Variants in SH3GLB1 observed in about 807,000 individuals in gnomAD.
SH3GLB1 encodes the protein endophilin-B1.
Under a neutral mutation model 42.0 loss-of-function variants are expected in SH3GLB1, and 17 were observed. The ratio of observed to expected loss-of-function variants is 0.40; its 90% CI spans 0.28 to 0.61. SH3GLB1 has a LOEUF of 0.61. SH3GLB1 is among the 20% of genes least tolerant of loss of function. The pLI is 0.36. For synonymous variants in SH3GLB1, 132 were observed against 146.6 expected, an observed-to-expected ratio of 0.90 and a Z score of 0.72; for missense variants, 355 against 426.3, an observed-to-expected ratio of 0.83 and a Z score of 1.47.
chr1:86,729,478 A>G (rs973898817), intron 5 of SH3GLB1, among the ~76,000 whole-genome samples: 2 of 152,300 alleles, frequency 1.3e-5, no homozygotes, highest in East Asian at 3.9e-4. Context: ...TCTATAGGTA[A>G]ATGAAAAGCG....
chr1:86,724,488 T>G, intron 5 of SH3GLB1, 83 bp downstream of exon 5: 1 of 1,079,588 alleles, frequency 9.3e-7, no homozygotes, highest in Non-Finnish European at 1.3e-6. Context: ...AGATACAGAC[T>G]ATTAACTTTA....
intron 5 of SH3GLB1, among the ~76,000 whole-genome samples, chr1:86,724,878 A>AT (rs1655072541): frequency 1.0e-5 from 1 of 99,910 alleles, no homozygotes; most frequent in African/African-American, 6.7e-5. Flanking sequence ...TGTCTTTAAA[A>AT]AAAAAAAAAA....
At chr1:86,724,892 A>AAAAAAAAAAAATATATAT (rs1291454820) in intron 5 of SH3GLB1, among the ~76,000 whole-genome samples, 2 of 99,700 alleles carry the variant, frequency 2.0e-5, no homozygotes, top group African/African-American at 1.1e-4. Flanking sequence ...AAAAAAAAAA[A>AAAAAAAAAAAATATATAT]ATATATATAT....
At chr1:86,730,910 T>C (rs1468987072) in intron 5 of SH3GLB1, among the ~76,000 whole-genome samples, 1 of 152,236 alleles carries the variant, frequency 6.6e-6, no homozygotes, top group Non-Finnish European at 1.5e-5. Flanking sequence ...TACTGCTGCA[T>C]TAAATATAGG....
At position 86,722,584 on chromosome 1, in the gene SH3GLB1, A is replaced by T; in HGVS notation, c.388A>T (p.Thr130Ser). Residue 130 changes from threonine (T) to serine (S), a missense_variant, in exon 4 of 9, where the codon ACA becomes TCA. Physicochemically the swap from Thr to Ser is moderately conservative, Grantham distance 58 (BLOSUM62 1). Transcript: ENST00000370558. ...KCGETQKRIGTADRELIQTSA... is the reference protein window; with the variant it reads ...KCGETQKRIGSADRELIQTSA... ...TGGAGAAACCCAAAAAAGAATTGGA[A>T]CAGCAGACAGAGAACTGATTCAAAC... 6.2e-7 allele frequency: 1 copy of T among 1,608,856 alleles called. No homozygotes were observed. Among genetic ancestry groups the T allele is most frequent in the Non-Finnish European group, 8.5e-7 (1 of 1,178,024 alleles).
chr1:86,732,731 A>AT (rs1409378335), intron 5 of SH3GLB1, among the ~76,000 whole-genome samples: 3 of 152,206 alleles, frequency 2.0e-5, no homozygotes, highest in Admixed American at 6.5e-5. Context: ...ATCATTTGAT[A>AT]TTTTTTATTC....
At chr1:86,733,875 GC>G (rs951801416) in intron 5 of SH3GLB1, among the ~76,000 whole-genome samples, 31 of 151,908 alleles carry the variant, frequency 2.0e-4, no homozygotes, top group African/African-American at 7.5e-4. Context: ...GGATATGAGA[GC>G]TTTTTTTTTT....
intron 1 of SH3GLB1, among the ~76,000 whole-genome samples, chr1:86,714,763 C>A (rs1191789667): frequency 6.6e-6 from 1 of 152,024 alleles, no homozygotes; most frequent in Non-Finnish European, 1.5e-5. Flanking sequence ...TAGTGATATA[C>A]CTGTGTTAAG....
chr1:86,739,907 G>T (rs1182638121), intron 7 of SH3GLB1, among the ~76,000 whole-genome samples: 1 of 152,146 alleles, frequency 6.6e-6, no homozygotes, highest in African/African-American at 2.4e-5. Flanking sequence ...CACTTTGGGA[G>T]ATCAAGGTGG....
intron 7 of SH3GLB1, among the ~76,000 whole-genome samples, chr1:86,738,374 T>A (rs1397126077): frequency 6.6e-6 from 1 of 152,130 alleles, no homozygotes; most frequent in Non-Finnish European, 1.5e-5. Flanking sequence ...TATGCCATTC[T>A]CCTGCCTCAG....
chr1:86,733,412 A>G (rs904463465), intron 5 of SH3GLB1, among the ~76,000 whole-genome samples: 3 of 152,114 alleles, frequency 2.0e-5, no homozygotes, highest in African/African-American at 7.2e-5. Flanking sequence ...AAAAAAGTTC[A>G]TACCTTGTTG....
In SH3GLB1 at chr1:86,724,417, G is replaced by A; in HGVS notation, c.570+12G>A. On this transcript the variant is annotated intron_variant, in intron 5 of 8. Coordinates refer to ENST00000370558, the MANE Select transcript of SH3GLB1 (RefSeq NM_016009.5). ...AAACTAGAAATTCAGTAAGTAAATA[G>A]AAAAATATTTTTGATTAATAACTTT... The A allele has an allele frequency of 6.5e-7, 1 of 1,547,736 alleles. No individual in the cohort carries two copies. Among genetic ancestry groups the A allele is most frequent in the Non-Finnish European group, 8.7e-7 (1 of 1,144,096 alleles).
chr1:86,720,173 A>T (rs562034379), intron 3 of SH3GLB1, among the ~76,000 whole-genome samples: 1 of 152,166 alleles, frequency 6.6e-6, no homozygotes, highest in African/African-American at 2.4e-5. Context: ...AGTTCTAAAA[A>T]GTTTAATGAA....
At chr1:86,718,904 G>A (rs1323652936) in intron 2 of SH3GLB1, among the ~76,000 whole-genome samples, 1 of 152,110 alleles carries the variant, frequency 6.6e-6, no homozygotes, top group Non-Finnish European at 1.5e-5. Context: ...CATGCTCAGA[G>A]ATATACTTGT....
chr1:86,707,197 T>G (rs1437597158), intron 1 of SH3GLB1, among the ~76,000 whole-genome samples: 1 of 152,210 alleles, frequency 6.6e-6, no homozygotes, highest in Non-Finnish European at 1.5e-5. Flanking sequence ...TTTTCTAACA[T>G]TAGTATCGTG....
chr1:86,719,740 A>G (rs1423787112), intron 3 of SH3GLB1, 105 bp downstream of exon 3: 1 of 1,168,364 alleles, frequency 8.6e-7, no homozygotes, highest in East Asian at 2.8e-5. Flanking sequence ...TCACACCTGT[A>G]ATCCCAGCAC....
At chr1:86,730,419 A>G (rs1655442688) in intron 5 of SH3GLB1, 3 of 963,458 alleles carry the variant, frequency 3.1e-6, no homozygotes, top group Admixed American at 1.2e-4. Flanking sequence ...GATTTTTTTA[A>G]TAACAATTTT....
intron 2 of SH3GLB1, among the ~76,000 whole-genome samples, chr1:86,716,731 G>A (rs1252667620): frequency 6.6e-6 from 1 of 152,196 alleles, no homozygotes; most frequent in Admixed American, 6.5e-5. Context: ...CTTGTCAAAT[G>A]TAGCATAGCT....
chr1:86,708,625 G>A (rs1654013806), intron 1 of SH3GLB1, among the ~76,000 whole-genome samples: 1 of 152,168 alleles, frequency 6.6e-6, no homozygotes, highest in Non-Finnish European at 1.5e-5. Context: ...GAGTAGGAAT[G>A]TTTATTCTTA....
Sources: gnomAD v4.1 joint callset for allele counts (sites outside exome capture counted in the v4.1 genomes callset) on GRCh38, gnomAD v4.1.1 for gene constraint, MANE v1.5 for transcripts, NCBI Gene and HGNC (gene_info 2026-07-23, HGNC 2026-07-21) for gene names.